Variants in KATNBL1 observed in about 807,000 individuals in gnomAD.
KATNBL1 encodes the protein katanin regulatory subunit B1 like 1.
A neutral mutation model predicts 44.7 loss-of-function variants in KATNBL1; 28 were observed. That is an observed-to-expected ratio of 0.63 (90% CI 0.46 to 0.86). The LOEUF (loss-of-function observed/expected upper bound fraction) is 0.86, where lower values mean the gene tolerates loss of function less well. KATNBL1 is among the 40% of genes least tolerant of loss of function. KATNBL1 has a pLI of 0.00. For missense variants in KATNBL1, 272 were observed against 350.7 expected, an observed-to-expected ratio of 0.78 and a Z score of 1.79; for synonymous variants, 78 against 114.9, an observed-to-expected ratio of 0.68 and a Z score of 2.06.
At chr15:34,187,958 G>A (rs112622042) in intron 1 of KATNBL1, among the ~76,000 whole-genome samples, 50,025 of 148,946 alleles carry the variant, frequency 0.34, 8,798 homozygotes, top group African/African-American at 0.48. Flanking sequence ...GGCCAACATG[G>A]TGAAACCCCG....
chr15:34,206,204 A>G (rs12437551), intron 1 of KATNBL1, among the ~76,000 whole-genome samples: 84,847 of 152,042 alleles, frequency 0.56, 25,158 homozygotes, highest in East Asian at 0.71. Flanking sequence ...AGGAGATGCT[A>G]GAATGAGCAT....
At chr15:34,149,279 A>G (rs1597425349) in intron 4 of KATNBL1, among the ~76,000 whole-genome samples, 1 of 152,254 alleles carries the variant, frequency 6.6e-6, no homozygotes, top group Admixed American at 6.5e-5. Context: ...CACAGTTAAC[A>G]GACTGATATG....
At position 34,142,441 on chromosome 15, in the gene KATNBL1, T is replaced by TG. The variant is rs1188279485; in HGVS notation, c.883-71_883-70insC. Reference sequence around the variant, plus strand: ...TACAAACATAAACAATCCATTTTTTTTTGTTGTTGCTTAATTTGCCTTAGT... The same window carrying TG: ...TACAAACATAAACAATCCATTTTTTTGTTGTTGTTGCTTAATTTGCCTTAGT... On this transcript the variant is annotated intron_variant, in intron 9 of 9. Coordinates refer to ENST00000256544, the MANE Select transcript of KATNBL1 (RefSeq NM_024713.3). The TG allele has an allele frequency of 1.7e-5, 25 of 1,490,306 alleles. No individual in the cohort carries two copies. In the African/African-American group the frequency reaches 2.6e-4, roughly 15 times the overall value. 92.3% of individuals were successfully genotyped at this position (1,490,306 alleles called of 1,614,324 possible).
chr15:34,192,655 A>C (rs1889910009), intron 1 of KATNBL1, among the ~76,000 whole-genome samples: 1 of 152,206 alleles, frequency 6.6e-6, no homozygotes, highest in African/African-American at 2.4e-5. Flanking sequence ...ACAGAAACAA[A>C]AACAGACGTG....
intron 1 of KATNBL1, chr15:34,209,170 A>T (rs906991626): frequency 2.6e-5 from 4 of 152,212 alleles, no homozygotes; most frequent in Non-Finnish European, 4.4e-5. Context: ...TGGCTATCCA[A>T]AGAAACTCCA....
intron 1 of KATNBL1, among the ~76,000 whole-genome samples, chr15:34,203,447 G>T (rs1343302426): frequency 1.3e-5 from 2 of 152,022 alleles, no homozygotes; most frequent in Non-Finnish European, 2.9e-5. Flanking sequence ...CCATTTTGTG[G>T]CTGAGCCATT....
intron 1 of KATNBL1, among the ~76,000 whole-genome samples, chr15:34,192,679 C>T (rs34187931): frequency 1.3e-5 from 2 of 152,022 alleles, no homozygotes; most frequent in Admixed American, 6.6e-5. Flanking sequence ...AGAAAGACTA[C>T]GTGCTGTCCC....
Position 34,210,013 on chromosome 15 carries a change from G to A in KATNBL1, c.-77C>T, listed in dbSNP as rs1263189695. On this transcript the variant is annotated 5_prime_UTR_variant, in exon 1 of 10. Transcript: ENST00000256544. ...CGGCGCTGACGACCAGCGCCCGGCAGCCTAGAGAGTCCCTCGGCTTCTGGG... is the reference window on the plus strand; with the variant it reads ...CGGCGCTGACGACCAGCGCCCGGCAACCTAGAGAGTCCCTCGGCTTCTGGG... 2 of 151,834 alleles carry A rather than the reference G, an allele frequency of 1.3e-5. No individual in the cohort carries two copies. Among genetic ancestry groups the A allele is most frequent in the Non-Finnish European group, 2.9e-5 (2 of 67,892 alleles). 9.4% of individuals were successfully genotyped at this position (151,834 alleles called of 1,614,324 possible).
At chr15:34,201,478 AT>A (rs1379159299) in intron 1 of KATNBL1, among the ~76,000 whole-genome samples, 2 of 152,136 alleles carry the variant, frequency 1.3e-5, no homozygotes, top group Non-Finnish European at 2.9e-5. Context: ...GGCCTTTTGA[AT>A]TTTGTATAAT....
At chr15:34,193,344 G>C (rs1411838878) in intron 1 of KATNBL1, among the ~76,000 whole-genome samples, 1 of 151,720 alleles carries the variant, frequency 6.6e-6, no homozygotes, top group Non-Finnish European at 1.5e-5. Context: ...AACCAGCCTG[G>C]CCAATATGGC....
chr15:34,201,468 G>A (rs1050741801), intron 1 of KATNBL1, among the ~76,000 whole-genome samples: 1 of 151,896 alleles, frequency 6.6e-6, no homozygotes. Context: ...TTCCCTTTTG[G>A]GCCTTTTGAA....
chr15:34,202,339 G>T (rs1200650103), intron 1 of KATNBL1, among the ~76,000 whole-genome samples: 1 of 152,136 alleles, frequency 6.6e-6, no homozygotes, highest in Non-Finnish European at 1.5e-5. Flanking sequence ...AATTTCTACA[G>T]TACCAGAAGT....
chr15:34,192,107 A>G (rs1196508739), intron 1 of KATNBL1, among the ~76,000 whole-genome samples: 1 of 151,594 alleles, frequency 6.6e-6, no homozygotes, highest in Non-Finnish European at 1.5e-5. Context: ...CTGCTTTTTT[A>G]TATGATTAAA....
At chr15:34,166,999 C>T (rs764688279) in intron 1 of KATNBL1, among the ~76,000 whole-genome samples, 5 of 152,260 alleles carry the variant, frequency 3.3e-5, no homozygotes, top group African/African-American at 1.2e-4. Flanking sequence ...GAAACCAGAG[C>T]AGAAAGGCTG....
intron 1 of KATNBL1, among the ~76,000 whole-genome samples, chr15:34,195,599 G>A (rs1890007458): frequency 1.3e-5 from 2 of 151,442 alleles, no homozygotes; most frequent in African/African-American, 2.4e-5. Flanking sequence ...GCTGAGGCAG[G>A]AGAACTGCTT....
intron 1 of KATNBL1, among the ~76,000 whole-genome samples, chr15:34,167,730 A>G (rs1433400198): frequency 6.6e-6 from 1 of 152,248 alleles, no homozygotes; most frequent in Non-Finnish European, 1.5e-5. Context: ...GAAGACTAAC[A>G]GCGCATTTCT....
At position 34,204,037 on chromosome 15, in the gene KATNBL1, AAAAG is replaced by A. The variant is rs1890233753; in HGVS notation, c.-15+5910_-15+5913del. Among the ~76,000 whole-genome samples, 9 of 152,092 alleles carry A rather than the reference AAAAG, an allele frequency of 5.9e-5. No homozygotes were observed. In the South Asian group the frequency reaches 1.9e-3, roughly 32 times the overall value. On this transcript the variant is annotated intron_variant, in intron 1 of 9. Transcript: ENST00000256544. Reference sequence around the variant, plus strand: ...AGAACTTAATTAAAAAAAAAAAAAAAAAAGAGCCAGTGTGTGTGATTCACTCCCA... The same window carrying A: ...AGAACTTAATTAAAAAAAAAAAAAAAAGCCAGTGTGTGTGATTCACTCCCA...
intron 2 of KATNBL1, among the ~76,000 whole-genome samples, chr15:34,157,896 T>A (rs1016160975): frequency 1.3e-5 from 2 of 152,242 alleles, no homozygotes; most frequent in African/African-American, 4.8e-5. Flanking sequence ...TGTTTCCTAT[T>A]AATCCAAACC....
intron 1 of KATNBL1, among the ~76,000 whole-genome samples, chr15:34,206,241 T>A (rs1382164707): frequency 6.6e-6 from 1 of 152,020 alleles, no homozygotes; most frequent in African/African-American, 2.4e-5. Context: ...AGGTGGTAGG[T>A]TTCTGGGTGA....
Sources: gnomAD v4.1 joint callset for allele counts (sites outside exome capture counted in the v4.1 genomes callset) on GRCh38, gnomAD v4.1.1 for gene constraint, MANE v1.5 for transcripts, NCBI Gene and HGNC (gene_info 2026-07-23, HGNC 2026-07-21) for gene names.